The following IL7 variants were observed in gnomAD, a reference collection of about 807,000 sequenced individuals.
The protein encoded by IL7 is interleukin-7.
A neutral mutation model predicts 21.6 loss-of-function variants in IL7; 3 were observed. The ratio of observed to expected loss-of-function variants is 0.14; its 90% CI spans 0.06 to 0.36. The LOEUF is 0.36. Among genes scored for constraint, IL7 ranks in the 10% least tolerant of loss-of-function variants. The pLI is 1.00. For missense variants in IL7, 175 were observed against 200.2 expected (o/e 0.87, Z 0.76); for synonymous variants, 62 against 68.1 (o/e 0.91, Z 0.44).
intron 2 of IL7, among the ~76,000 whole-genome samples, chr8:78,791,213 T>C (rs1813683374): frequency 6.6e-6 from 1 of 152,182 alleles, no homozygotes; most frequent in South Asian, 2.1e-4. Context: ...CCCTCCCACC[T>C]TGGTGCCCAA....
chr8:78,726,516 C>A (rs1811343218), intron 3 of IL7, among the ~76,000 whole-genome samples: 1 of 151,914 alleles, frequency 6.6e-6, no homozygotes, highest in Non-Finnish European at 1.5e-5. Flanking sequence ...CCTGATCTGG[C>A]TTAAACATAT....
At chr8:78,683,276 C>A (rs867831882) in intron 4 of IL7, among the ~76,000 whole-genome samples, 1 of 152,216 alleles carries the variant, frequency 6.6e-6, no homozygotes, top group Non-Finnish European at 1.5e-5. Context: ...TTTGCAGTGC[C>A]CTAGCAGAGG....
chr8:78,705,669 A>G (rs374020987), intron 3 of IL7, among the ~76,000 whole-genome samples: 72 of 152,242 alleles, frequency 4.7e-4, no homozygotes, highest in African/African-American at 1.5e-3. Context: ...AACCCCAGAG[A>G]CTGAAACTGC....
intron 5 of IL7, among the ~76,000 whole-genome samples, chr8:78,734,970 A>G (rs1811521511): frequency 1.3e-5 from 2 of 152,188 alleles, no homozygotes; most frequent in African/African-American, 4.8e-5. Context: ...ACAAATTCAG[A>G]TCTCTTTTTG....
intron 1 of IL7, among the ~76,000 whole-genome samples, chr8:78,802,635 G>T (rs968912265): frequency 6.6e-6 from 1 of 152,052 alleles, no homozygotes; most frequent in Non-Finnish European, 1.5e-5. Flanking sequence ...GTTTCACCAT[G>T]TTGGCCAGCC....
At chr8:78,784,872 C>G (rs927069578) in intron 2 of IL7, among the ~76,000 whole-genome samples, 5 of 152,034 alleles carry the variant, frequency 3.3e-5, no homozygotes, top group African/African-American at 1.2e-4. Flanking sequence ...CTCCCCTCCC[C>G]CTCCATCTTC....
intron 3 of IL7, among the ~76,000 whole-genome samples, chr8:78,689,686 G>C (rs1810146531): frequency 6.6e-6 from 1 of 151,906 alleles, no homozygotes; most frequent in South Asian, 2.1e-4. Context: ...AGATTATCGA[G>C]TGAAAGACCT....
intron 2 of IL7, among the ~76,000 whole-genome samples, chr8:78,763,357 A>C (rs1812641452): frequency 6.6e-6 from 1 of 152,252 alleles, no homozygotes; most frequent in Non-Finnish European, 1.5e-5. Flanking sequence ...CAGTGATAAA[A>C]GGTTAGGAGG....
chr8:78,677,010 G>A (rs1284619719), intron 4 of IL7, among the ~76,000 whole-genome samples: 4 of 151,926 alleles, frequency 2.6e-5, no homozygotes, highest in Non-Finnish European at 5.9e-5. Context: ...ATACTTAAGA[G>A]CTGTAATTAC....
intron 2 of IL7, among the ~76,000 whole-genome samples, chr8:78,768,084 T>C (rs1812819124): frequency 6.6e-6 from 1 of 151,392 alleles, no homozygotes; most frequent in Admixed American, 6.6e-5. Context: ...TCCACGTCCC[T>C]ACAAAGGACA....
At chr8:78,716,560 C>T (rs1184716992), downstream of IL7, among the ~76,000 whole-genome samples, 1 of 152,104 alleles carries the variant, frequency 6.6e-6, no homozygotes, top group East Asian at 1.9e-4. Flanking sequence ...CCTCACAATC[C>T]TTGTGACCAA....
At chr8:78,793,414 C>T (rs1383111293) in intron 2 of IL7, among the ~76,000 whole-genome samples, 1 of 152,058 alleles carries the variant, frequency 6.6e-6, no homozygotes, top group Non-Finnish European at 1.5e-5. Context: ...GTGAGTCATA[C>T]AATTTTGTTT....
At chr8:78,792,167 G>A (rs1289491782) in intron 2 of IL7, among the ~76,000 whole-genome samples, 1 of 152,020 alleles carries the variant, frequency 6.6e-6, no homozygotes, top group African/African-American at 2.4e-5. Flanking sequence ...CAACAAGGGT[G>A]TCCAGACATT....
At chr8:78,757,483 G>A (rs1472632803) in intron 2 of IL7, among the ~76,000 whole-genome samples, 1 of 151,968 alleles carries the variant, frequency 6.6e-6, no homozygotes, top group Non-Finnish European at 1.5e-5. Context: ...TGAAAGTGGG[G>A]TGCTGAAATT....
At chr8:78,799,075 A>G (rs139517790) in intron 1 of IL7, among the ~76,000 whole-genome samples, 443 of 152,196 alleles carry the variant, frequency 2.9e-3, no homozygotes, top group African/African-American at 8.1e-3. Flanking sequence ...TCATACAGGG[A>G]CCTATTTCTT....
chr8:78,689,014 G>A (rs1395607743), intron 3 of IL7, among the ~76,000 whole-genome samples: 2 of 147,782 alleles, frequency 1.4e-5, no homozygotes, highest in Admixed American at 1.4e-4. Context: ...GAAGAAAATT[G>A]GAAGTCATGT....
Position 78,762,557 on chromosome 8 carries a change from G to T in IL7, c.148-22475C>A, listed in dbSNP as rs543843588. Reference sequence around the variant, plus strand: ...GGCTCGGCAGGGCCGACGCGCGGGGGAGGGGCGGGCGGGCTAGAAGCCGCC... The same window carrying T: ...GGCTCGGCAGGGCCGACGCGCGGGGTAGGGGCGGGCGGGCTAGAAGCCGCC... On this transcript the variant is annotated intron_variant, in intron 2 of 5. Transcript: ENST00000263851. The T allele has an allele frequency of 1.9e-3, 840 of 432,022 alleles. 3 individuals are homozygous for T. Among genetic ancestry groups the T allele is most frequent in the African/African-American group, 0.016 (770 of 47,206 alleles). 26.8% of individuals were successfully genotyped at this position (432,022 alleles called of 1,614,324 possible).
intron 3 of IL7, among the ~76,000 whole-genome samples, chr8:78,686,160 A>C (rs1809963352): frequency 6.6e-6 from 1 of 152,204 alleles, no homozygotes; most frequent in Non-Finnish European, 1.5e-5. Flanking sequence ...ACATTTTAAC[A>C]TGAGTTTTGG....
At chr8:78,717,553 C>A (rs1586037704), downstream of IL7, 9 of 1,489,362 alleles carry the variant, frequency 6.0e-6, no homozygotes, top group East Asian at 1.8e-4. Context: ...GCTGCTTGGA[C>A]AGCTAGAGCA....
Sources: gnomAD v4.1 joint callset for allele counts (sites outside exome capture counted in the v4.1 genomes callset) on GRCh38, gnomAD v4.1.1 for gene constraint, MANE v1.5 for transcripts, NCBI Gene and HGNC (gene_info 2026-07-23, HGNC 2026-07-21) for gene names.